KATNAL1: variants seen among roughly 807,000 people sequenced by gnomAD.
KATNAL1 encodes katanin catalytic subunit A1 like 1.
In KATNAL1, 32 loss-of-function variants were observed where a neutral mutation model predicts 55.2. The ratio of observed to expected loss-of-function variants is 0.58; its 90% CI spans 0.44 to 0.78. The LOEUF is 0.78. Among genes scored for constraint, KATNAL1 ranks in the 30% least tolerant of loss-of-function variants. The pLI is 0.00. For synonymous variants in KATNAL1, 193 were observed against 193.6 expected, an observed-to-expected ratio of 1.00 and a Z score of 0.02; for missense variants, 466 against 600.9, an observed-to-expected ratio of 0.78 and a Z score of 2.35.
chr13:30,210,205 G>T, intron 10 of KATNAL1, 111 bp downstream of exon 10: 1 of 783,048 alleles, frequency 1.3e-6, no homozygotes. Flanking sequence ...TAAAGAAATG[G>T]GTAGCTGCTT....
chr13:30,304,555 A>G (rs952522581), intron 1 of KATNAL1, among the ~76,000 whole-genome samples: 7 of 152,212 alleles, frequency 4.6e-5, no homozygotes, highest in African/African-American at 1.7e-4. Context: ...GGCGCGAGCC[A>G]CTGCGCCCGG....
chr13:30,231,449 TG>T lies in KATNAL1; in HGVS notation c.749del (p.Pro250GlnfsTer8). 1.9e-6 allele frequency: 3 copies of T among 1,580,018 alleles called. No individual in the cohort carries two copies. The highest frequency in any genetic ancestry group is 1.8e-5 in the Admixed American group (1 of 56,078). ...TAGCTAGCATAGTTTTACCAGTGCC[TG>T]GGGGTCCAACCATCAGTACACCCTG... ...PWKGVLMVGP[P>X]GTGKTMLAKA... On this transcript the variant is annotated frameshift_variant, in exon 7 of 11. Coordinates refer to ENST00000380615, the MANE Select transcript of KATNAL1 (RefSeq NM_032116.5). LOFTEE classifies it high-confidence loss of function.
intron 2 of KATNAL1, 141 bp from the exon 3 acceptor site, chr13:30,280,364 A>T: frequency 1.7e-6 from 1 of 601,612 alleles, no homozygotes; most frequent in Non-Finnish European, 2.6e-6. Flanking sequence ...AAATACAAAG[A>T]ACTATTTCAA....
At chr13:30,280,326 G>A in intron 2 of KATNAL1, 103 bp from the exon 3 acceptor site, 1 of 744,130 alleles carries the variant, frequency 1.3e-6, no homozygotes, top group Non-Finnish European at 2.0e-6. Flanking sequence ...ATGTCAAAGG[G>A]TGAAAAATGA....
chr13:30,231,472 C>A lies in KATNAL1; in HGVS notation c.727G>T (p.Gly243Cys). 3 of 1,493,406 alleles carry A rather than the reference C, an allele frequency of 2.0e-6. No homozygotes were observed. Among genetic ancestry groups the A allele is most frequent in the African/African-American group, 1.4e-5 (1 of 70,616 alleles). The allele number at this position is 1,493,406 out of a possible 1,614,324, so 92.5% of individuals were successfully genotyped here. Reference protein sequence around the residue: ...FFKGIRRPWKGVLMVGPPGTG... With the variant: ...FFKGIRRPWKCVLMVGPPGTG... ...CCTGGGGGTCCAACCATCAGTACAC[C>A]CTGAAATTTCAAAAGACAAATTAAA... The change falls in exon 7 of 11, where the codon GGT becomes TGT. Residue 243 changes from glycine (G) to cysteine (C), a missense_variant and splice_region_variant. Transcript: ENST00000380615.
At chr13:30,297,972 T>A (rs1384125729) in intron 1 of KATNAL1, among the ~76,000 whole-genome samples, 4 of 152,170 alleles carry the variant, frequency 2.6e-5, no homozygotes, top group Non-Finnish European at 4.4e-5. Flanking sequence ...TCATGCAATA[T>A]ACCCATGTAA....
chr13:30,255,695 C>A, intron 3 of KATNAL1, 80 bp from the exon 4 acceptor site: 2 of 1,211,928 alleles, frequency 1.7e-6, no homozygotes, highest in South Asian at 6.6e-5. Context: ...CTATCTTAGT[C>A]AATAAAATTG....
chr13:30,298,422 C>T (rs946871996), intron 1 of KATNAL1, among the ~76,000 whole-genome samples: 3 of 152,144 alleles, frequency 2.0e-5, no homozygotes, highest in Non-Finnish European at 4.4e-5. Flanking sequence ...CTCCATAGCG[C>T]ACTTCACAGA....
chr13:30,261,421 G>A (rs1377487975), intron 3 of KATNAL1, among the ~76,000 whole-genome samples: 1 of 152,158 alleles, frequency 6.6e-6, no homozygotes, highest in Non-Finnish European at 1.5e-5. Flanking sequence ...GACACAGACT[G>A]GCAAATTGGA....
chr13:30,279,952 A>T, intron 3 of KATNAL1, 111 bp downstream of exon 3: 1 of 871,238 alleles, frequency 1.1e-6, no homozygotes. Context: ...AAAAACAGAT[A>T]CTGAAATTAC....
intron 1 of KATNAL1, among the ~76,000 whole-genome samples, chr13:30,301,163 T>G (rs566829300): frequency 9.9e-5 from 15 of 151,450 alleles, no homozygotes; most frequent in Admixed American, 9.8e-4. Context: ...AGGTCAGGAG[T>G]TCAAGACCAG....
rs770823164 is a variant in KATNAL1, at chr13:30,280,065, G to A, written c.321C>T (p.His107=). The A allele has an allele frequency of 4.0e-5, 65 of 1,610,094 alleles. No homozygotes were observed. The highest frequency in any genetic ancestry group is 5.2e-5 in the Non-Finnish European group (61 of 1,178,800). Residue 107 remains histidine (H), a splice_region_variant and synonymous_variant, in exon 3 of 11, where the codon CAC becomes CAT. Coordinates refer to ENST00000380615, the MANE Select transcript of KATNAL1 (RefSeq NM_032116.5). The part of the protein sequence containing the change: ...AVWPPPVPAE[H]RAPPQIRRPN... ...AGAGAATATAAAGTCCTATTTACCT[G>A]TGTTCTGCAGGAACAGGGGGTGGCC... is the stretch of plus-strand genomic sequence containing the variant.
chr13:30,251,741 C>T (rs1394694803), intron 4 of KATNAL1, among the ~76,000 whole-genome samples: 1 of 152,144 alleles, frequency 6.6e-6, no homozygotes, highest in Non-Finnish European at 1.5e-5. Context: ...TTTATTCAGG[C>T]CAGGAGCTAC....
chr13:30,253,672 A>G (rs1878543277), intron 4 of KATNAL1, among the ~76,000 whole-genome samples: 1 of 152,080 alleles, frequency 6.6e-6, no homozygotes, highest in Non-Finnish European at 1.5e-5. Context: ...CAAAAAAAAA[A>G]AAAAAAAAAA....
In KATNAL1 at chr13:30,280,110, T is replaced by C; in HGVS notation, c.276A>G (p.Pro92=). 6.2e-7 allele frequency: 1 copy of C among 1,613,520 alleles called. No individual in the cohort carries two copies. Among genetic ancestry groups the C allele is most frequent in the Non-Finnish European group, 8.5e-7 (1 of 1,179,792 alleles). ...PDFPVSCQDE[P]FRDPAVWPPP... ...GTGGCCAAACAGCAGGATCTCTAAA[T>C]GGTTCATCTTGACAGGACACAGGGA... The change falls in exon 3 of 11, where the codon CCA becomes CCG. Residue 92 remains proline (P), a synonymous_variant. Transcript: ENST00000380615.
chr13:30,214,024 C>T (rs914200784), intron 9 of KATNAL1, among the ~76,000 whole-genome samples: 9 of 152,088 alleles, frequency 5.9e-5, no homozygotes, highest in African/African-American at 1.9e-4. Flanking sequence ...TCTAGAAAAC[C>T]CCATCGTCTC....
At chr13:30,285,693 T>G (rs1431973505) in intron 1 of KATNAL1, among the ~76,000 whole-genome samples, 1 of 152,152 alleles carries the variant, frequency 6.6e-6, no homozygotes, top group African/African-American at 2.4e-5. Flanking sequence ...ACTTTGGAAC[T>G]GGGTAGCAGG....
chr13:30,239,674 A>G (rs1202187733), intron 6 of KATNAL1, among the ~76,000 whole-genome samples: 1 of 144,494 alleles, frequency 6.9e-6, no homozygotes, highest in Non-Finnish European at 1.5e-5. Context: ...TTTTGTAATG[A>G]TACAGAAGTG....
intron 6 of KATNAL1, among the ~76,000 whole-genome samples, chr13:30,238,725 A>T (rs1876945261): frequency 6.6e-6 from 1 of 152,148 alleles, no homozygotes; most frequent in Non-Finnish European, 1.5e-5. Flanking sequence ...CCTAACACTG[A>T]AAGCTATATG....
Sources: allele counts gnomAD v4.1 joint callset (sites outside exome capture counted in the v4.1 genomes callset), GRCh38; gene constraint gnomAD v4.1.1; transcripts MANE v1.5; gene names NCBI Gene and HGNC (gene_info 2026-07-23, HGNC 2026-07-21).